CASP5: variants seen among roughly 807,000 people sequenced by gnomAD.
CASP5 encodes the protein caspase-5.
A neutral mutation model predicts 45.2 loss-of-function variants in CASP5; 42 were observed. The ratio of observed to expected loss-of-function variants is 0.93; its 90% CI spans 0.73 to 1.20. CASP5 has a LOEUF of 1.20. CASP5 is among the 50% of genes most tolerant of loss of function. CASP5 has a pLI of 0.00. For missense variants in CASP5, 512 were observed against 532.2 expected (o/e 0.96, Z 0.37); for synonymous variants, 209 against 186.2 (o/e 1.12, Z -1.00).
At chr11:105,014,764 A>G (rs1046408984) in intron 1 of CASP5, among the ~76,000 whole-genome samples, 13 of 152,226 alleles carry the variant, frequency 8.5e-5, no homozygotes, top group African/African-American at 2.7e-4. Context: ...ATGTTCTTAC[A>G]TGTTCAAGCT....
intron 1 of CASP5, among the ~76,000 whole-genome samples, chr11:105,015,026 AG>A (rs1192249484): frequency 2.6e-5 from 4 of 152,232 alleles, no homozygotes; most frequent in Non-Finnish European, 2.9e-5. Context: ...GGGTGTCTAA[AG>A]TAATCAGGAA....
chr11:105,005,991 G>A (rs1861983007), intron 3 of CASP5, among the ~76,000 whole-genome samples: 1 of 152,096 alleles, frequency 6.6e-6, no homozygotes, highest in Admixed American at 6.6e-5. Flanking sequence ...AGTTTATTTT[G>A]TATAGTGAGG....
At chr11:105,019,837 G>C (rs1456859659) in intron 1 of CASP5, among the ~76,000 whole-genome samples, 1 of 144,594 alleles carries the variant, frequency 6.9e-6, no homozygotes, top group Admixed American at 7.3e-5. Context: ...ACCAAAGCCG[G>C]GCAGAGACAC....
chr11:105,003,291 T>A lies in CASP5; in HGVS notation c.526A>T (p.Lys176Ter). 1 of 1,599,516 alleles carries A rather than the reference T, an allele frequency of 6.3e-7. No individual in the cohort carries two copies. Among genetic ancestry groups the A allele is most frequent in the Middle Eastern group, 1.7e-4 (1 of 6,048 alleles). The stretch of plus-strand genomic sequence containing the variant: ...CACAGCACCTCATCATGATTTTTTT[T>A]ACACAGTCTCAGGAATTCTTCACGA... ...CPREEFLRLC[K>*]KNHDEIYPIK... The change falls in exon 4 of 10, where the codon AAA becomes TAA. Residue 176 changes from lysine to a stop codon, truncating the protein, a stop_gained. Coordinates refer to ENST00000260315, the MANE Select transcript of CASP5 (RefSeq NM_004347.5). LOFTEE classifies it high-confidence loss of function.
intron 1 of CASP5, among the ~76,000 whole-genome samples, chr11:105,022,689 A>G (rs1335779023): frequency 6.6e-6 from 1 of 152,146 alleles, no homozygotes; most frequent in Admixed American, 6.6e-5. Context: ...GACCAATAAG[A>G]TAATTCAAGA....
At chr11:104,998,862 G>C (rs372140181) in intron 7 of CASP5, 23 bp downstream of exon 7, 4 of 1,604,982 alleles carry the variant, frequency 2.5e-6, no homozygotes, top group Non-Finnish European at 3.4e-6. Context: ...CCAAATTTTT[G>C]ACTGTTACTA....
At chr11:105,022,148 T>C (rs1205679704) in intron 1 of CASP5, among the ~76,000 whole-genome samples, 1 of 127,600 alleles carries the variant, frequency 7.8e-6, no homozygotes, top group East Asian at 2.4e-4. Flanking sequence ...CATCACACTC[T>C]GGAGCCTGTT....
rs781273414 is a variant in CASP5, at chr11:105,023,104, C to T, written c.7+26G>A. 35 of 1,550,066 alleles carry T rather than the reference C, an allele frequency of 2.3e-5. No homozygotes were observed. In the African/African-American group the frequency reaches 4.5e-4, roughly 20 times the overall value. On this transcript the variant is annotated intron_variant, in intron 1 of 9. Transcript: ENST00000260315. ...TTTCTAAGACCTGAGTACCCAGCTG[C>T]TAGTCAGAAAAGGGCCCAGACTCAC...
At chr11:105,001,910 ACACACG>A in intron 5 of CASP5, 112 bp downstream of exon 5, 1 of 884,004 alleles carries the variant, frequency 1.1e-6, no homozygotes, top group Non-Finnish European at 1.8e-6. Flanking sequence ...ACACACACAC[ACACACG>A]CACACGAACC....
At position 105,000,266 on chromosome 11, in the gene CASP5, CTGCAGGCCTGGACAA is replaced by C; in HGVS notation, c.932_946del (p.Ile311_Cys315del). 1 of 1,614,226 alleles carries C rather than the reference CTGCAGGCCTGGACAA, an allele frequency of 6.2e-7. No individual in the cohort carries two copies. The highest frequency in any genetic ancestry group is 1.1e-5 in the South Asian group (1 of 91,084). ...TGTTCAGCCTCAGCACTCACCACCT[CTGCAGGCCTGGACAA>C]TGATGACCTTGGGTTTGTCCTTTAG... is the stretch of plus-strand genomic sequence containing the variant. On this transcript the variant is annotated inframe_deletion, in exon 6 of 10. Transcript: ENST00000260315.
At chr11:105,017,877 A>C (rs1011404833) in intron 1 of CASP5, among the ~76,000 whole-genome samples, 3 of 146,852 alleles carry the variant, frequency 2.0e-5, no homozygotes, top group African/African-American at 7.4e-5. Flanking sequence ...AGTTGAAATG[A>C]AGGAAAAAAT....
intron 8 of CASP5, 34 bp from the exon 9 acceptor site, chr11:104,995,876 ATT>A: frequency 7.2e-7 from 1 of 1,383,490 alleles, no homozygotes; most frequent in Non-Finnish European, 1.0e-6. Flanking sequence ...GATATGAGGG[ATT>A]TTGGGTTCTC....
At chr11:105,022,653 G>A (rs1863032123) in intron 1 of CASP5, among the ~76,000 whole-genome samples, 1 of 151,922 alleles carries the variant, frequency 6.6e-6, no homozygotes, top group African/African-American at 2.4e-5. Context: ...ACATAGAAAG[G>A]TGGAAAAATG....
intron 3 of CASP5, among the ~76,000 whole-genome samples, chr11:105,004,982 A>G (rs1480228153): frequency 6.6e-6 from 1 of 151,918 alleles, no homozygotes; most frequent in Non-Finnish European, 1.5e-5. Flanking sequence ...TTTTCCAGTA[A>G]AATTAGAAAT....
At chr11:105,006,416 T>A (rs1479302992) in intron 3 of CASP5, among the ~76,000 whole-genome samples, 1 of 152,204 alleles carries the variant, frequency 6.6e-6, no homozygotes, top group African/African-American at 2.4e-5. Flanking sequence ...AAGAAACCAG[T>A]TACATTCTGG....
chr11:104,996,965 A>G (rs1467629055), intron 8 of CASP5, among the ~76,000 whole-genome samples: 1 of 151,942 alleles, frequency 6.6e-6, no homozygotes, highest in Admixed American at 6.6e-5. Context: ...GTTAACCCAT[A>G]TTTTCAGTAT....
At chr11:104,999,534 A>G (rs1017635065) in intron 6 of CASP5, among the ~76,000 whole-genome samples, 1 of 152,150 alleles carries the variant, frequency 6.6e-6, no homozygotes, top group African/African-American at 2.4e-5. Flanking sequence ...GGCTATCACA[A>G]TTGCCCACCT....
rs754631041 is a variant in CASP5 at position 105,007,077 on chromosome 11, C to G, written c.433+6G>C. ...AACATATTTATCGTGTTAGATGCAA[C>G]CTTACGTTTTACACTGGTGATCTTT... On this transcript the variant is annotated splice_donor_region_variant and intron_variant, in intron 3 of 9. Coordinates refer to ENST00000260315, the MANE Select transcript of CASP5 (RefSeq NM_004347.5). 7.0e-5 allele frequency: 113 copies of G among 1,608,470 alleles called. 1 individual carries two copies. In the South Asian group the frequency reaches 1.1e-3, roughly 16 times the overall value.
chr11:105,012,341 C>T (rs541750936), intron 1 of CASP5, among the ~76,000 whole-genome samples: 32 of 151,686 alleles, frequency 2.1e-4, no homozygotes, highest in African/African-American at 7.5e-4. Context: ...TACACAAAAA[C>T]GTGGAAAAGC....
Sources: allele counts gnomAD v4.1 joint callset (sites outside exome capture counted in the v4.1 genomes callset), GRCh38; gene constraint gnomAD v4.1.1; transcripts MANE v1.5; gene names NCBI Gene and HGNC (gene_info 2026-07-23, HGNC 2026-07-21).